HS3ST5: variants seen among roughly 807,000 people sequenced by gnomAD.
HS3ST5 encodes the protein heparan sulfate-glucosamine 3-sulfotransferase 5.
In HS3ST5, 10 loss-of-function variants were observed where a neutral mutation model predicts 25.4. The observed-to-expected ratio is 0.39, with a 90% CI of 0.24 to 0.67. HS3ST5 has a LOEUF of 0.67. Ranked by LOEUF, HS3ST5 falls within the 30% of genes least tolerant of loss-of-function variation. HS3ST5 has a pLI of 0.44. For synonymous variants in HS3ST5, 170 were observed against 162.4 expected, an observed-to-expected ratio of 1.05 and a Z score of -0.36; for missense variants, 324 against 420.7, an observed-to-expected ratio of 0.77 and a Z score of 2.01.
chr6:114,097,069 A>C (rs373496888), intron 3 of HS3ST5, among the ~76,000 whole-genome samples: 1,788 of 152,108 alleles, frequency 0.012, 38 homozygotes, highest in African/African-American at 0.041. Context: ...TAGTTTCCTG[A>C]TTACTTTTCT....
intron 2 of HS3ST5, among the ~76,000 whole-genome samples, chr6:114,191,983 T>A (rs1451232593): frequency 6.6e-6 from 1 of 152,322 alleles, no homozygotes; most frequent in East Asian, 1.9e-4. Context: ...AGGTAACATA[T>A]AAATTTTAAT....
chr6:114,278,696 T>C (rs556640275), intron 1 of HS3ST5, among the ~76,000 whole-genome samples: 5 of 152,048 alleles, frequency 3.3e-5, no homozygotes, highest in African/African-American at 9.6e-5. Context: ...ACTGCTGAAG[T>C]AGAAATTAAA....
intron 2 of HS3ST5, among the ~76,000 whole-genome samples, chr6:114,175,226 TG>T (rs1779671690): frequency 6.6e-6 from 1 of 152,176 alleles, no homozygotes; most frequent in Non-Finnish European, 1.5e-5. Context: ...AAGGGGATGT[TG>T]TGACTGGAAA....
intron 2 of HS3ST5, among the ~76,000 whole-genome samples, chr6:114,225,029 C>T (rs1013082070): frequency 2.0e-5 from 3 of 151,756 alleles, no homozygotes; most frequent in South Asian, 2.1e-4. Context: ...TGCCTCTAGC[C>T]TTTACACCTT....
intron 2 of HS3ST5, among the ~76,000 whole-genome samples, chr6:114,176,785 C>A (rs981783415): frequency 5.3e-5 from 8 of 152,158 alleles, no homozygotes; most frequent in Non-Finnish European, 8.8e-5. Context: ...TAGAGAAAGG[C>A]TCTGGGGTAT....
chr6:114,292,851 G>C (rs781672085), intron 1 of HS3ST5, among the ~76,000 whole-genome samples: 3 of 151,900 alleles, frequency 2.0e-5, no homozygotes, highest in Admixed American at 1.3e-4. Context: ...TTACTTATAA[G>C]ACCCAACATA....
intron 2 of HS3ST5, among the ~76,000 whole-genome samples, chr6:114,207,188 T>C (rs1781308427): frequency 6.6e-6 from 1 of 152,214 alleles, no homozygotes. Context: ...AGTGGCTTTA[T>C]TTCTTTGTCC....
intron 1 of HS3ST5, among the ~76,000 whole-genome samples, chr6:114,276,905 G>C (rs1370230364): frequency 6.6e-6 from 1 of 151,896 alleles, no homozygotes; most frequent in Non-Finnish European, 1.5e-5. Flanking sequence ...TGGAACGATG[G>C]TCAGCATGGG....
At chr6:114,245,137 T>C (rs1279683840) in intron 1 of HS3ST5, among the ~76,000 whole-genome samples, 1 of 152,154 alleles carries the variant, frequency 6.6e-6, no homozygotes, top group African/African-American at 2.4e-5. Context: ...TAATTACATA[T>C]CTACAGTTTG....
chr6:114,224,697 TATAC>T (rs1364548116), intron 2 of HS3ST5, among the ~76,000 whole-genome samples: 11 of 145,684 alleles, frequency 7.6e-5, no homozygotes, highest in African/African-American at 1.0e-4. Flanking sequence ...CATATATATA[TATAC>T]ACACACACAC....
intron 3 of HS3ST5, among the ~76,000 whole-genome samples, chr6:114,136,612 TC>T (rs1258712273): frequency 6.6e-6 from 1 of 152,198 alleles, no homozygotes; most frequent in Non-Finnish European, 1.5e-5. Flanking sequence ...TCCTTCAGTC[TC>T]CCCCGAAGGG....
At chr6:114,157,262 T>C (rs61420861) in intron 3 of HS3ST5, among the ~76,000 whole-genome samples, 108 of 152,340 alleles carry the variant, frequency 7.1e-4, no homozygotes, top group African/African-American at 2.5e-3. Context: ...CCTTCTACTC[T>C]GTTTACTGCC....
intron 3 of HS3ST5, among the ~76,000 whole-genome samples, chr6:114,127,307 T>A (rs1043829002): frequency 6.6e-6 from 1 of 152,136 alleles, no homozygotes; most frequent in African/African-American, 2.4e-5. Flanking sequence ...TTGCCTTTGA[T>A]GTAGATGATG....
intron 4 of HS3ST5, among the ~76,000 whole-genome samples, chr6:114,061,887 G>A (rs1229247115): frequency 6.6e-6 from 1 of 152,178 alleles, no homozygotes; most frequent in Non-Finnish European, 1.5e-5. Context: ...GGAGGAGGTT[G>A]CAGTGAGCCG....
intron 1 of HS3ST5, among the ~76,000 whole-genome samples, chr6:114,320,238 A>G (rs1414184854): frequency 1.3e-5 from 2 of 152,104 alleles, no homozygotes; most frequent in African/African-American, 2.4e-5. Flanking sequence ...TCGAATTAGT[A>G]ATTTCACCAA....
intron 1 of HS3ST5, among the ~76,000 whole-genome samples, chr6:114,236,938 G>A (rs1052044317): frequency 6.6e-6 from 1 of 152,158 alleles, no homozygotes; most frequent in Non-Finnish European, 1.5e-5. Context: ...CAGTACTGCC[G>A]ACGCCGGGCC....
At chr6:114,333,853 T>G (rs916550342) in intron 1 of HS3ST5, among the ~76,000 whole-genome samples, 1 of 152,162 alleles carries the variant, frequency 6.6e-6, no homozygotes, top group African/African-American at 2.4e-5. Context: ...AGAGCTAAGT[T>G]GGTATCACAC....
At chr6:114,335,351 T>C (rs930371729) in intron 1 of HS3ST5, among the ~76,000 whole-genome samples, 1 of 152,152 alleles carries the variant, frequency 6.6e-6, no homozygotes, top group African/African-American at 2.4e-5. Flanking sequence ...ACTTGATCTC[T>C]TAAGTCAAGT....
At chr6:114,107,130 C>A (rs917600777) in intron 3 of HS3ST5, among the ~76,000 whole-genome samples, 1 of 152,026 alleles carries the variant, frequency 6.6e-6, no homozygotes, top group Non-Finnish European at 1.5e-5. Flanking sequence ...GTTTTTTCCC[C>A]TTCCCAAAAG....
Sources: gnomAD v4.1 joint callset for allele counts (sites outside exome capture counted in the v4.1 genomes callset) on GRCh38, gnomAD v4.1.1 for gene constraint, MANE v1.5 for transcripts, NCBI Gene and HGNC (gene_info 2026-07-23, HGNC 2026-07-21) for gene names.